The following NRG1 variants were observed in gnomAD, a reference collection of about 807,000 sequenced individuals.
NRG1 encodes the protein neuregulin 1.
Under a neutral mutation model 63.8 loss-of-function variants are expected in NRG1, and 18 were observed. The observed-to-expected ratio is 0.28, with a 90% CI of 0.19 to 0.42. The LOEUF (loss-of-function observed/expected upper bound fraction) is 0.42. NRG1 is among the 10% of genes least tolerant of loss of function. The pLI, the probability that NRG1 is intolerant of heterozygous loss-of-function variation, is 1.00. For missense variants in NRG1, 762 were observed against 814.7 expected (o/e 0.94, Z 0.79); for synonymous variants, 302 against 301.3 (o/e 1.00, Z -0.02).
At chr8:32,127,190 C>T (rs578146442) in intron 1 of NRG1, among the ~76,000 whole-genome samples, 1 of 151,998 alleles carries the variant, frequency 6.6e-6, no homozygotes, top group East Asian at 1.9e-4. Flanking sequence ...AAGTGGCTAA[C>T]CTGTTTTAGA....
intron 1 of NRG1, among the ~76,000 whole-genome samples, chr8:32,207,025 A>G (rs1020305933): frequency 4.6e-5 from 7 of 152,208 alleles, no homozygotes; most frequent in Admixed American, 4.6e-4. Context: ...GTCAGTGCAT[A>G]TTACCTATTC....
At chr8:31,947,192 C>T (rs1802689246) in intron 1 of NRG1, among the ~76,000 whole-genome samples, 2 of 150,792 alleles carry the variant, frequency 1.3e-5, no homozygotes, top group South Asian at 2.1e-4. Context: ...CCCAGCTACT[C>T]GGGAGGCTGA....
intron 1 of NRG1, among the ~76,000 whole-genome samples, chr8:32,023,287 G>A (rs1816739666): frequency 6.6e-6 from 1 of 152,214 alleles, no homozygotes; most frequent in African/African-American, 2.4e-5. Context: ...GTAGAAGGAT[G>A]TTATAAGACA....
rs1833532576 is a variant in NRG1 at position 32,122,180 on chromosome 8, C to T, written c.38-473648C>T. On this transcript the variant is annotated intron_variant, in intron 1 of 10. Transcript: ENST00000519301. ...AAAGCTTTTCTTAATTTCACAAAAA[C>T]AAATATAAATAGTTATGGGGGGAAA... is the stretch of plus-strand genomic sequence containing the variant. 2.6e-5 allele frequency among the ~76,000 whole-genome samples: 4 copies of T among 151,858 alleles called. 1 individual carries two copies. The highest frequency in any genetic ancestry group is 2.6e-4 in the Admixed American group (4 of 15,222).
intron 1 of NRG1, among the ~76,000 whole-genome samples, chr8:31,920,607 A>G (rs745371284): frequency 4.6e-5 from 7 of 152,136 alleles, no homozygotes; most frequent in East Asian, 1.9e-4. Flanking sequence ...TATCATGGCT[A>G]TAATCCCAGA....
chr8:32,138,221 A>C (rs1471603913), intron 1 of NRG1, among the ~76,000 whole-genome samples: 2 of 152,094 alleles, frequency 1.3e-5, no homozygotes, highest in African/African-American at 4.8e-5. Flanking sequence ...GGATTTAAAC[A>C]TCAGGGGCGA....
chr8:32,057,122 A>G (rs1823076637), intron 1 of NRG1, among the ~76,000 whole-genome samples: 1 of 152,162 alleles, frequency 6.6e-6, no homozygotes. Context: ...GAATAATTAC[A>G]TTCTATCTTT....
rs564750051 is a variant in NRG1, at chr8:32,659,937, A to G, written c.502+43052A>G. On this transcript the variant is annotated intron_variant, in intron 5 of 11. Coordinates refer to ENST00000356819, the Ensembl canonical transcript of NRG1. ...CCCCTCTTCTTGAAGACCTCCTCCAACCCCCCATAACCTATTGCTTGTGCT... is the reference window on the plus strand; with the variant it reads ...CCCCTCTTCTTGAAGACCTCCTCCAGCCCCCCATAACCTATTGCTTGTGCT... Among the ~76,000 whole-genome samples the G allele has an allele frequency of 4.6e-5, 7 of 150,918 alleles. No homozygotes were observed. In the South Asian group the frequency reaches 1.5e-3, roughly 32 times the overall value.
In NRG1 at chr8:32,360,993, C is replaced by T. The variant is rs557176905; in HGVS notation, c.38-234835C>T. On this transcript the variant is annotated intron_variant, in intron 1 of 10. Transcript: ENST00000519301. ...ATTTCAGAAGATCCAGATTTGATCC[C>T]ACCTCTGCCACTGGTGTATGATCTT... 3.9e-5 allele frequency among the ~76,000 whole-genome samples: 6 copies of T among 152,298 alleles called. No homozygotes were observed. The South Asian group carries it at 1.2e-3, about 32-fold the overall frequency.
chr8:31,665,447 G>A (rs1181135644), intron 1 of NRG1, among the ~76,000 whole-genome samples: 1 of 152,206 alleles, frequency 6.6e-6, no homozygotes, highest in Non-Finnish European at 1.5e-5. Flanking sequence ...TGAGTGATGA[G>A]TTTAAACAGT....
At chr8:32,751,492 A>C (rs1357193422) in intron 7 of NRG1, among the ~76,000 whole-genome samples, 1 of 152,208 alleles carries the variant, frequency 6.6e-6, no homozygotes, top group Non-Finnish European at 1.5e-5. Flanking sequence ...TGGGGAAAAA[A>C]GAGGTTAAAG....
intron 1 of NRG1, among the ~76,000 whole-genome samples, chr8:32,327,423 T>C (rs1802143214): frequency 6.6e-6 from 1 of 152,202 alleles, no homozygotes; most frequent in East Asian, 1.9e-4. Context: ...CCATGGAAAG[T>C]TATAGTCTCT....
chr8:32,405,721 C>T (rs1248898516), intron 1 of NRG1, among the ~76,000 whole-genome samples: 4 of 152,192 alleles, frequency 2.6e-5, no homozygotes, highest in Admixed American at 6.5e-5. Flanking sequence ...TCTCAGTTTA[C>T]AATCATGAGT....
chr8:32,094,196 A>G (rs1159517165), intron 1 of NRG1, among the ~76,000 whole-genome samples: 2 of 152,338 alleles, frequency 1.3e-5, no homozygotes, highest in East Asian at 3.9e-4. Context: ...TTCATAGAAC[A>G]GAATGGAATG....
At chr8:32,158,473 C>A (rs922469002) in intron 1 of NRG1, among the ~76,000 whole-genome samples, 550 of 47,384 alleles carry the variant, frequency 0.012, 20 homozygotes, top group Admixed American at 0.02. Context: ...ATATATATAT[C>A]ATGTATATGT....
At chr8:31,916,264 G>A (rs145148423) in intron 1 of NRG1, among the ~76,000 whole-genome samples, 2,649 of 151,948 alleles carry the variant, frequency 0.017, 81 homozygotes, top group African/African-American at 0.06. Context: ...ACAATGTGCA[G>A]GTTAGTTACG....
intron 1 of NRG1, among the ~76,000 whole-genome samples, chr8:32,121,570 TTTC>T (rs1177298024): frequency 2.6e-5 from 4 of 152,056 alleles, no homozygotes; most frequent in Non-Finnish European, 2.9e-5. Context: ...ACTGAGCCAT[TTTC>T]TTCTTCATTA....
At chr8:32,205,181 G>A (rs947134584) in intron 1 of NRG1, among the ~76,000 whole-genome samples, 4 of 152,112 alleles carry the variant, frequency 2.6e-5, no homozygotes, top group Admixed American at 2.0e-4. Flanking sequence ...GGTATCTCTG[G>A]TGCAATTAAA....
intron 1 of NRG1, among the ~76,000 whole-genome samples, chr8:31,992,769 T>G (rs1162099567): frequency 1.3e-5 from 2 of 152,006 alleles, no homozygotes; most frequent in Admixed American, 1.3e-4. Flanking sequence ...TGGGCAGATA[T>G]AAGCATTAGC....
Sources: gnomAD v4.1 joint callset for allele counts (sites outside exome capture counted in the v4.1 genomes callset) on GRCh38, gnomAD v4.1.1 for gene constraint, MANE v1.5 for transcripts, NCBI Gene and HGNC (gene_info 2026-07-23, HGNC 2026-07-21) for gene names.